ZNF394: variants seen among roughly 807,000 people sequenced by gnomAD.
The protein encoded by ZNF394 is zinc finger protein 394, also known as zinc finger protein 99.
ZNF394 carries 19 observed loss-of-function variants against 21.8 expected under a neutral mutation model. The ratio of observed to expected loss-of-function variants is 0.87; its 90% CI spans 0.61 to 1.28. The LOEUF is 1.28. ZNF394 is among the 50% of genes most tolerant of loss of function. The pLI is 0.00. For synonymous variants in ZNF394, 294 were observed against 273.3 expected (o/e 1.08, Z -0.75); for missense variants, 683 against 708.6 (o/e 0.96, Z 0.41).
chr7:99,498,706 C>A lies in ZNF394; in HGVS notation c.583+10G>T, dbSNP rs996851133. On this transcript the variant is annotated intron_variant, in intron 2 of 2. Coordinates refer to ENST00000337673, the MANE Select transcript of ZNF394 (RefSeq NM_032164.4). ...ACACCGCAATAAACCAGCAGAGCAA[C>A]AGCACTCACTCGGCGGAACTGTGCT... The A allele has an allele frequency of 2.5e-6, 4 of 1,613,786 alleles. No individual in the cohort carries two copies. The African/African-American group carries it at 5.3e-5, about 22-fold the overall frequency.
In ZNF394 at chr7:99,494,580, A is replaced by G. The variant is rs1221198099; in HGVS notation, c.635T>C (p.Leu212Ser). ...TTGCCCCTGTGGCTCCGCTTCTTCT[A>G]AAATTTGTTGCATTGGAATCAACTC... is the stretch of plus-strand genomic sequence containing the variant. ...NKELIPMQQI[L>S]EEAEPQGQLQ... Residue 212 changes from leucine (L) to serine (S), a missense_variant, in exon 3 of 3, where the codon TTA becomes TCA. Transcript: ENST00000337673. 3 of 1,603,752 alleles carry G rather than the reference A, an allele frequency of 1.9e-6. No homozygotes were observed. The highest frequency in any genetic ancestry group is 1.7e-6 in the Non-Finnish European group (2 of 1,177,354).
downstream of ZNF394, among the ~76,000 whole-genome samples, chr7:99,489,702 C>A (rs750821555): frequency 6.6e-6 from 1 of 152,182 alleles, no homozygotes; most frequent in Non-Finnish European, 1.5e-5. Flanking sequence ...CATATCCCTT[C>A]TGTTTCCACA....
intron 1 of ZNF394, chr7:99,487,141 A>ATC: frequency 6.2e-7 from 1 of 1,614,222 alleles, no homozygotes; most frequent in Non-Finnish European, 8.5e-7. Flanking sequence ...TAGTGGAGAA[A>ATC]AACGCCATAA....
downstream of ZNF394, among the ~76,000 whole-genome samples, chr7:99,489,929 C>A (rs567825047): frequency 6.6e-6 from 1 of 151,732 alleles, no homozygotes; most frequent in Non-Finnish European, 1.5e-5. Context: ...TGCTTGAACC[C>A]GGGAGGTGGA....
chr7:99,493,520 G>A lies in ZNF394; in HGVS notation c.*9C>T, dbSNP rs1375524437. ...GATCTGCCTGCCTTGGCCTCCCAAA[G>A]TGCTGGGATTATAGGCGTGAGCCAC... On this transcript the variant is annotated 3_prime_UTR_variant, in exon 3 of 3. Transcript: ENST00000337673. The A allele has an allele frequency of 6.3e-7, 1 of 1,579,544 alleles. No homozygotes were observed. The highest frequency in any genetic ancestry group is 1.2e-5 in the South Asian group (1 of 85,548).
At chr7:99,497,446 C>T (rs1398850495) in intron 2 of ZNF394, among the ~76,000 whole-genome samples, 2 of 151,574 alleles carry the variant, frequency 1.3e-5, no homozygotes, top group Non-Finnish European at 2.9e-5. Context: ...TCCCAAAGTG[C>T]TGGGATTACA....
At chr7:99,491,606 T>A (rs1321448712), downstream of ZNF394, among the ~76,000 whole-genome samples, 1 of 151,476 alleles carries the variant, frequency 6.6e-6, no homozygotes, top group Non-Finnish European at 1.5e-5. Flanking sequence ...TGAAACCCTG[T>A]CTCTACTACA....
intron 2 of ZNF394, among the ~76,000 whole-genome samples, chr7:99,497,087 C>CGTGTGTGTGTGTGTGT (rs201206255): frequency 1.6e-4 from 15 of 94,686 alleles, no homozygotes; most frequent in African/African-American, 9.7e-4. Flanking sequence ...TACATACATA[C>CGTGTGTGTGTGTGTGT]GTGTGTGTGT....
At position 99,498,734 on chromosome 7, in the gene ZNF394, C is replaced by T. The variant is rs145350510; in HGVS notation, c.565G>A (p.Gly189Arg). Reference sequence around the variant, plus strand: ...CACTCACTCGGCGGAACTGTGCTCCCGGAATCCTTCTGCGCACTCTCTCTG... The same window carrying T: ...CACTCACTCGGCGGAACTGTGCTCCTGGAATCCTTCTGCGCACTCTCTCTG... ...FCRESAQKDS[G>R]STVPPSLESR... The change falls in exon 2 of 3, where the codon GGG (glycine) becomes AGG (arginine). Residue 189 changes from glycine (G) to arginine (R), a missense_variant. This residue lies in a region of ZNF394 where 402 missense variants were observed against 373.8 expected (regional missense o/e 1.08). Transcript: ENST00000337673. 7 of 1,613,922 alleles carry T rather than the reference C, an allele frequency of 4.3e-6. No homozygotes were observed. The highest frequency in any genetic ancestry group is 2.7e-5 in the African/African-American group (2 of 74,894).
At chr7:99,489,302 A>AAAAGAGTT (rs1358049188), downstream of ZNF394, among the ~76,000 whole-genome samples, 28 of 152,040 alleles carry the variant, frequency 1.8e-4, no homozygotes, top group South Asian at 4.2e-4. Context: ...AAAAAAAAAA[A>AAAAGAGTT]AAAGAGTTGT....
intron 1 of ZNF394, 35 bp downstream of exon 1, chr7:99,499,603 A>C: frequency 6.6e-7 from 1 of 1,518,364 alleles, no homozygotes; most frequent in Non-Finnish European, 8.8e-7. Context: ...TATTTTCCAC[A>C]CTCCCACCTC....
downstream of ZNF394, chr7:99,493,087 A>T: frequency 1.9e-6 from 1 of 514,472 alleles, no homozygotes; most frequent in Non-Finnish European, 2.5e-6. Flanking sequence ...CTCATTCCTC[A>T]CTCACTGAAA....
chr7:99,494,466 G>C lies in ZNF394; in HGVS notation c.749C>G (p.Pro250Arg). Residue 250 changes from proline (P) to arginine (R), a missense_variant, in exon 3 of 3, where the codon CCC becomes CGC. This residue lies in a region of ZNF394 where 402 missense variants were observed against 373.8 expected (regional missense o/e 1.08). Coordinates refer to ENST00000337673, the MANE Select transcript of ZNF394 (RefSeq NM_032164.4). Reference sequence around the variant, plus strand: ...AGAATTTTCAAGTTTCAGGGGCAAGGGGTCTCCGGACTGCTTTTCCACCCT... The same window carrying C: ...AGAATTTTCAAGTTTCAGGGGCAAGCGGTCTCCGGACTGCTTTTCCACCCT... ...EDRVEKQSGD[P>R]LPLKLENSPE... The C allele has an allele frequency of 6.2e-7, 1 of 1,614,024 alleles. No homozygotes were observed. The highest frequency in any genetic ancestry group is 8.5e-7 in the Non-Finnish European group (1 of 1,180,012).
downstream of ZNF394, among the ~76,000 whole-genome samples, chr7:99,490,414 C>T (rs1800137303): frequency 6.6e-6 from 1 of 152,096 alleles, no homozygotes; most frequent in Admixed American, 6.6e-5. Context: ...GCCTTGGCCT[C>T]CCAGTGCTGG....
intron 2 of ZNF394, among the ~76,000 whole-genome samples, chr7:99,495,944 CAG>C (rs1800293847): frequency 6.6e-6 from 1 of 151,058 alleles, no homozygotes; most frequent in South Asian, 2.1e-4. Context: ...CTTTTTGAGA[CAG>C]AGTCTCACTC....
exon 2 of ZNF394, chr7:99,486,587 C>T: frequency 6.2e-7 from 1 of 1,614,176 alleles, no homozygotes. Flanking sequence ...GAGAAACTTT[C>T]AGAAAAGTTA....
chr7:99,498,932 G>T lies in ZNF394; in HGVS notation c.457-90C>A, dbSNP rs1476763541. On this transcript the variant is annotated intron_variant, in intron 1 of 2. Transcript: ENST00000337673. ...AGTCTTGTACCGACAAGGGAGTTTGGAGAGATCAGAGATAGAGGCTGACAT... is the reference window on the plus strand; with the variant it reads ...AGTCTTGTACCGACAAGGGAGTTTGTAGAGATCAGAGATAGAGGCTGACAT... 3.4e-6 allele frequency: 5 copies of T among 1,464,960 alleles called. No individual in the cohort carries two copies. The African/African-American group carries it at 4.3e-5, about 12-fold the overall frequency. 90.7% of individuals were successfully genotyped at this position (1,464,960 alleles called of 1,614,324 possible). A position where few individuals can be genotyped will look rare whatever the true frequency, so the allele number is the denominator to read the frequency against.
downstream of ZNF394, among the ~76,000 whole-genome samples, chr7:99,488,508 A>T (rs1180130701): frequency 6.6e-6 from 1 of 151,972 alleles, no homozygotes; most frequent in African/African-American, 2.4e-5. Flanking sequence ...TCTCAAAAAA[A>T]AAAAAAGATT....
downstream of ZNF394, among the ~76,000 whole-genome samples, chr7:99,492,675 G>A (rs1800188868): frequency 6.6e-6 from 1 of 150,826 alleles, no homozygotes; most frequent in Non-Finnish European, 1.5e-5. Context: ...ATAAAGGTAG[G>A]CTGGGTGTGG....
Sources: gnomAD v4.1 joint callset for allele counts (sites outside exome capture counted in the v4.1 genomes callset) on GRCh38, gnomAD v4.1.1 for gene constraint, gnomAD v4.1.1 regional missense constraint, MANE v1.5 for transcripts, NCBI Gene and HGNC (gene_info 2026-07-23, HGNC 2026-07-21) for gene names.